Variants in MEGF10 observed in about 807,000 individuals in gnomAD.
MEGF10 encodes multiple EGF like domains 10.
Under a neutral mutation model 147.5 loss-of-function variants are expected in MEGF10, and 86 were observed. The ratio of observed to expected loss-of-function variants is 0.58; its 90% confidence interval spans 0.49 to 0.70. The LOEUF (loss-of-function observed/expected upper bound fraction) is 0.70. Ranked by LOEUF, MEGF10 falls within the 30% of genes least tolerant of loss-of-function variation. The probability of loss-of-function intolerance (pLI) is 0.00; values close to 1 mark genes in which losing one functional copy is unlikely to be tolerated. For synonymous variants in MEGF10, 478 were observed against 525.5 expected (o/e 0.91, Z 1.24); for missense variants, 1,329 against 1,487.3 (o/e 0.89, Z 1.75).
intron 13 of MEGF10, among the ~76,000 whole-genome samples, chr5:127,428,658 G>A (rs1006191108): frequency 4.6e-5 from 7 of 152,196 alleles, no homozygotes; most frequent in African/African-American, 1.7e-4. Context: ...TCTAATATAT[G>A]TTTAATAGCT....
At chr5:127,347,712 A>T (rs1284974032) in intron 4 of MEGF10, among the ~76,000 whole-genome samples, 2 of 152,036 alleles carry the variant, frequency 1.3e-5, no homozygotes, top group Non-Finnish European at 2.9e-5. Context: ...TATATTTATT[A>T]TCTCTCCCTT....
At chr5:127,266,621 A>T in the MEGF10 span, among the ~76,000 whole-genome samples, 1 of 152,072 alleles carries the variant, frequency 6.6e-6, no homozygotes, top group East Asian at 1.9e-4. Context: ...TAGTTCTCCT[A>T]GAAGAGGTCC....
At chr5:127,397,726 G>A (rs999108640) in intron 6 of MEGF10, among the ~76,000 whole-genome samples, 2 of 152,176 alleles carry the variant, frequency 1.3e-5, no homozygotes, top group African/African-American at 2.4e-5. Flanking sequence ...GCTTTTATGG[G>A]TTTTCATCAA....
chr5:127,265,250 T>C, the MEGF10 span, among the ~76,000 whole-genome samples: 6 of 152,114 alleles, frequency 3.9e-5, no homozygotes, highest in Admixed American at 2.0e-4. Flanking sequence ...CATGAACTTA[T>C]CCTTTTTTTT....
rs764299037 is a variant in MEGF10, at chr5:127,394,665, A to G, written c.413-1867A>G. Among the ~76,000 whole-genome samples the G allele has an allele frequency of 4.3e-4, 65 of 152,292 alleles. 1 individual carries two copies. The highest frequency in any genetic ancestry group is 7.5e-4 in the Non-Finnish European group (51 of 68,018). On this transcript the variant is annotated intron_variant, in intron 5 of 24. Coordinates refer to ENST00000503335, the MANE Select transcript of MEGF10 (RefSeq NM_001256545.2). ...AGATTAAAAGAATTACAGTGGAAAA[A>G]AGACTCATTGTCCATATCCATAGGC...
At chr5:127,449,606 A>G (rs1195154721) in intron 22 of MEGF10, among the ~76,000 whole-genome samples, 1 of 152,134 alleles carries the variant, frequency 6.6e-6, no homozygotes, top group Non-Finnish European at 1.5e-5. Flanking sequence ...CTTGCACAGG[A>G]CCTCATCGCC....
At chr5:127,411,040 A>AG (rs1764538330) in intron 9 of MEGF10, among the ~76,000 whole-genome samples, 1 of 152,022 alleles carries the variant, frequency 6.6e-6, no homozygotes, top group East Asian at 1.9e-4. Flanking sequence ...AGAAAAAAAA[A>AG]GGCTAGAGAG....
intron 8 of MEGF10, among the ~76,000 whole-genome samples, chr5:127,405,588 G>T (rs1490059517): frequency 6.6e-6 from 1 of 151,908 alleles, no homozygotes; most frequent in African/African-American, 2.4e-5. Context: ...TTTTCAATAT[G>T]TATAATGATT....
intron 1 of MEGF10, among the ~76,000 whole-genome samples, chr5:127,307,264 G>A (rs1453279640): frequency 1.3e-5 from 2 of 152,152 alleles, no homozygotes; most frequent in Admixed American, 6.6e-5. Flanking sequence ...TTCTTCACAA[G>A]ACAAAGAGAT....
rs1198863116 is a variant in MEGF10, at chr5:127,370,038, T to A, written c.412+36T>A. Reference sequence around the variant, plus strand: ...ACCTGCTGTTGTCTGTCTCGGGATGTTTTTGCTGTAAGGCCCTCCTTGTCT... The same window carrying A: ...ACCTGCTGTTGTCTGTCTCGGGATGATTTTGCTGTAAGGCCCTCCTTGTCT... On this transcript the variant is annotated intron_variant, in intron 5 of 24. Transcript: ENST00000503335. 3 of 1,560,954 alleles carry A rather than the reference T, an allele frequency of 1.9e-6. No individual in the cohort carries two copies. In the South Asian group the frequency reaches 3.4e-5, roughly 17 times the overall value.
At chr5:127,339,478 GC>G (rs1761597113) in intron 3 of MEGF10, among the ~76,000 whole-genome samples, 1 of 152,116 alleles carries the variant, frequency 6.6e-6, no homozygotes, top group Admixed American at 6.6e-5. Flanking sequence ...AATTCATCTA[GC>G]CTCTGTGTTG....
At chr5:127,445,798 TTCTC>T in intron 20 of MEGF10, 105 bp downstream of exon 20, 1 of 812,428 alleles carries the variant, frequency 1.2e-6, no homozygotes, top group Non-Finnish European at 2.1e-6. Flanking sequence ...TTTCTGTCAA[TTCTC>T]ATTGAGAGAA....
chr5:127,329,629 G>A (rs1761172942), intron 1 of MEGF10, among the ~76,000 whole-genome samples: 1 of 151,804 alleles, frequency 6.6e-6, no homozygotes, highest in South Asian at 2.1e-4. Context: ...TTCTTGGCAT[G>A]GAAAATGAGT....
intron 4 of MEGF10, among the ~76,000 whole-genome samples, chr5:127,345,297 A>T (rs935325937): frequency 2.6e-5 from 4 of 152,168 alleles, no homozygotes; most frequent in African/African-American, 9.7e-5. Context: ...TAAAATGCAG[A>T]TTCTGATTCC....
At chr5:127,382,880 A>C (rs1482200179) in intron 5 of MEGF10, among the ~76,000 whole-genome samples, 1 of 152,206 alleles carries the variant, frequency 6.6e-6, no homozygotes, top group African/African-American at 2.4e-5. Flanking sequence ...GTACATAATA[A>C]AGAAACAAGA....
intron 8 of MEGF10, among the ~76,000 whole-genome samples, chr5:127,406,716 T>C (rs140552803): frequency 6.6e-6 from 1 of 152,132 alleles, no homozygotes; most frequent in African/African-American, 2.4e-5. Flanking sequence ...GTGCATAGAT[T>C]GCCCAAATAA....
intron 3 of MEGF10, among the ~76,000 whole-genome samples, chr5:127,340,184 A>G (rs1012988664): frequency 6.6e-6 from 1 of 151,516 alleles, no homozygotes; most frequent in African/African-American, 2.4e-5. Context: ...AGTCTTCTAT[A>G]TTATAATGGG....
chr5:127,394,589 A>C (rs996094923), intron 5 of MEGF10, among the ~76,000 whole-genome samples: 3 of 152,198 alleles, frequency 2.0e-5, no homozygotes, highest in African/African-American at 7.2e-5. Flanking sequence ...GCTGAGATCA[A>C]AAGGGACATA....
chr5:127,428,338 C>A (rs528093978), intron 13 of MEGF10, among the ~76,000 whole-genome samples: 1 of 152,164 alleles, frequency 6.6e-6, no homozygotes, highest in Admixed American at 6.5e-5. Flanking sequence ...AGGTTCTATG[C>A]AACCATAATG....
Sources: allele counts gnomAD v4.1 joint callset (sites outside exome capture counted in the v4.1 genomes callset), GRCh38; gene constraint gnomAD v4.1.1; transcripts MANE v1.5; gene names NCBI Gene and HGNC (gene_info 2026-07-23, HGNC 2026-07-21).